Variants in SLC23A3 observed in about 807,000 individuals in gnomAD.
The protein encoded by SLC23A3 is E2-binding protein 3.
A neutral mutation model predicts 64.7 loss-of-function variants in SLC23A3; 41 were observed. The observed-to-expected ratio is 0.63, with a 90% CI of 0.49 to 0.82. SLC23A3 has a LOEUF of 0.82. Among genes scored for constraint, SLC23A3 ranks in the 40% least tolerant of loss-of-function variants. The pLI, the probability that SLC23A3 is intolerant of heterozygous loss-of-function variation, is 0.00. For missense variants in SLC23A3, 647 were observed against 733.4 expected (o/e 0.88, Z 1.36); for synonymous variants, 281 against 306.8 (o/e 0.92, Z 0.88).
chr2:219,170,028 T>C lies in SLC23A3; in HGVS notation c.-44A>G. ...TTGTCTTGGCTGCCCGGGACCAGAGTTAAGTAGAGAGAGTAAGAGGTCAGA... is the reference window on the plus strand; with the variant it reads ...TTGTCTTGGCTGCCCGGGACCAGAGCTAAGTAGAGAGAGTAAGAGGTCAGA... On this transcript the variant is annotated 5_prime_UTR_variant, in exon 1 of 12. Transcript: ENST00000409878. The C allele has an allele frequency of 6.2e-7, 1 of 1,602,076 alleles. No individual in the cohort carries two copies. The highest frequency in any genetic ancestry group is 8.5e-7 in the Non-Finnish European group (1 of 1,175,390).
intron 8 of SLC23A3, 157 bp from the exon 9 acceptor site, chr2:219,164,495 T>C: frequency 1.7e-6 from 1 of 583,474 alleles, no homozygotes. Context: ...CTCCTTTCCA[T>C]CCCACTACCC....
chr2:219,165,173 A>AT lies in SLC23A3; in HGVS notation c.1162dup (p.Ile388AsnfsTer60). On this transcript the variant is annotated frameshift_variant, in exon 8 of 12. Coordinates refer to ENST00000409878, the MANE Select transcript of SLC23A3 (RefSeq NM_001144889.2). LOFTEE classifies it high-confidence loss of function. ...TCCCATCCCAGGTCCACGTACCTGG[A>AT]TAAGACCCACTTTGCCCACGTTGGG... 1.2e-5 allele frequency: 18 copies of AT among 1,551,852 alleles called. No homozygotes were observed. The highest frequency in any genetic ancestry group is 1.6e-5 in the Non-Finnish European group (18 of 1,147,078).
rs976427350 is a variant in SLC23A3, at chr2:219,162,500, C to A, written c.1442-106G>T. On this transcript the variant is annotated intron_variant, in intron 10 of 11. Transcript: ENST00000409878. Reference sequence around the variant, plus strand: ...CCTAAGCCTTGGACTAAGGACAGATCTTTCTGAATTGTCATTTCATCCCTC... The same window carrying A: ...CCTAAGCCTTGGACTAAGGACAGATATTTCTGAATTGTCATTTCATCCCTC... 22 of 772,822 alleles carry A rather than the reference C, an allele frequency of 2.8e-5. No individual in the cohort carries two copies. The African/African-American group carries it at 3.8e-4, about 13-fold the overall frequency. 47.9% of individuals were successfully genotyped at this position (772,822 alleles called of 1,614,324 possible). A position where few individuals can be genotyped will look rare whatever the true frequency, so the allele number is the denominator to read the frequency against.
At chr2:219,163,685 T>C (rs933462683) in intron 9 of SLC23A3, 130 bp from the exon 10 acceptor site, 1 of 928,770 alleles carries the variant, frequency 1.1e-6, no homozygotes, top group Non-Finnish European at 1.6e-6. Context: ...TTGTTTTTTT[T>C]GTTTTTTTGT....
intron 7 of SLC23A3, among the ~76,000 whole-genome samples, chr2:219,166,000 G>A: frequency 6.6e-6 from 1 of 152,130 alleles, no homozygotes. Context: ...AGGCATGGTG[G>A]TGCATGCCTG....
rs1950045743 is a variant in SLC23A3 at position 219,169,938 on chromosome 2, G to C, written c.47C>G (p.Ser16Cys). The change falls in exon 1 of 12, where the codon TCC (serine) becomes TGC (cysteine). Residue 16 changes from serine (S) to cysteine (C), a missense_variant. Physicochemically the swap from Ser to Cys is moderately radical, Grantham distance 112. Coordinates refer to ENST00000409878, the MANE Select transcript of SLC23A3 (RefSeq NM_001144889.2). This position sits in a 1 kb window ranked among gnomAD's most constrained non-coding sequence, Gnocchi z 4.5. Reference sequence around the variant, plus strand: ...AGGCAAGGGGGCCAGGGCATCCTGGGAGCCCACTGATCGGAGTTGGCTGGG... The same window carrying C: ...AGGCAAGGGGGCCAGGGCATCCTGGCAGCCCACTGATCGGAGTTGGCTGGG... Reference protein sequence around the residue: ...LNPSQLRSVGSQDALAPLPPP... With the variant: ...LNPSQLRSVGCQDALAPLPPP... 6.2e-7 allele frequency: 1 copy of C among 1,613,916 alleles called. No homozygotes were observed. The highest frequency in any genetic ancestry group is 8.5e-7 in the Non-Finnish European group (1 of 1,179,960).
chr2:219,161,755 G>A lies in SLC23A3; in HGVS notation c.*154C>T. 3 of 740,820 alleles carry A rather than the reference G, an allele frequency of 4.0e-6. No individual in the cohort carries two copies. Among genetic ancestry groups the A allele is most frequent in the Non-Finnish European group, 4.1e-6 (2 of 485,248 alleles). The allele number at this position is 740,820 out of a possible 1,614,324, so 45.9% of individuals were successfully genotyped here. A position where few individuals can be genotyped will look rare whatever the true frequency, so the allele number is the denominator to read the frequency against. On this transcript the variant is annotated 3_prime_UTR_variant, in exon 12 of 12. Transcript: ENST00000409878. ...TTAGGCCTAATTAAGACAAGGAAAG[G>A]CAACCCACCCTATTGGGAAATGGAA...
Position 219,169,319 on chromosome 2 carries a change from T to A in SLC23A3, c.408A>T (p.Thr136=). 1 of 1,614,110 alleles carries A rather than the reference T, an allele frequency of 6.2e-7. No homozygotes were observed. The highest frequency in any genetic ancestry group is 8.5e-7 in the Non-Finnish European group (1 of 1,180,014). Residue 136 remains threonine, a synonymous_variant, in exon 3 of 12, where the codon ACA becomes ACT. Transcript: ENST00000409878. The surrounding 1 kb of genome is among the most constrained non-coding windows in gnomAD (Gnocchi z 4.5). The part of the protein sequence containing the change: ...TSQKLPRAIQ[T]PGNSSLMLHL... ...TTGCTCTGTGCTCACAGTTTCCAGGTGTCTGGATGGCCCGGGGTAGCTTCT... is the reference window on the plus strand; with the variant it reads ...TTGCTCTGTGCTCACAGTTTCCAGGAGTCTGGATGGCCCGGGGTAGCTTCT...
rs1268277337 is a variant in SLC23A3 at position 219,169,927 on chromosome 2, G to C, written c.58C>G (p.Leu20Val). ...GGAGCAGGTGGAGGCAAGGGGGCCA[G>C]GGCATCCTGGGAGCCCACTGATCGG... is the stretch of plus-strand genomic sequence containing the variant. Reference protein sequence around the residue: ...QLRSVGSQDALAPLPPPAPQN... With the variant: ...QLRSVGSQDAVAPLPPPAPQN... The change falls in exon 1 of 12, where the codon CTG becomes GTG. Residue 20 changes from leucine to valine, a missense_variant. Coordinates refer to ENST00000409878, the MANE Select transcript of SLC23A3 (RefSeq NM_001144889.2). The surrounding 1 kb of genome is among the most constrained non-coding windows in gnomAD (Gnocchi z 4.5). 6.2e-7 allele frequency: 1 copy of C among 1,614,004 alleles called. No individual in the cohort carries two copies. Among genetic ancestry groups the C allele is most frequent in the Admixed American group, 1.7e-5 (1 of 59,982 alleles).
At position 219,163,374 on chromosome 2, in the gene SLC23A3, TC is replaced by T; in HGVS notation, c.1441+13del. 1.9e-6 allele frequency: 3 copies of T among 1,611,560 alleles called. No individual in the cohort carries two copies. The highest frequency in any genetic ancestry group is 2.5e-6 in the Non-Finnish European group (3 of 1,178,042). Reference sequence around the variant, plus strand: ...TTTCCTGCTACTGAGCAACGCCTCTTCCCTTCCACCTACCTGTGCTGAACAG... The same window carrying T: ...TTTCCTGCTACTGAGCAACGCCTCTTCCTTCCACCTACCTGTGCTGAACAG... On this transcript the variant is annotated intron_variant, in intron 10 of 11. Coordinates refer to ENST00000409878, the MANE Select transcript of SLC23A3 (RefSeq NM_001144889.2).
chr2:219,167,865 G>A, intron 7 of SLC23A3, 65 bp downstream of exon 7: 2 of 1,220,340 alleles, frequency 1.6e-6, no homozygotes, highest in Non-Finnish European at 2.3e-6. Flanking sequence ...AATCCATTAA[G>A]TTCTTTGAGT....
rs1295313796 is a variant in SLC23A3, at chr2:219,162,300, A to G, written c.1536T>C (p.Pro512=). The change falls in exon 11 of 12, where the codon CCT becomes CCC. Residue 512 remains proline, a splice_region_variant and synonymous_variant. Coordinates refer to ENST00000409878, the MANE Select transcript of SLC23A3 (RefSeq NM_001144889.2). Reference sequence around the variant, plus strand: ...TGCTAGGGCCTAGCCTCAACTTACCAGGAATCGTGTTCTCTAGTAGGAAGC... The same window carrying G: ...TGCTAGGGCCTAGCCTCAACTTACCGGGAATCGTGTTCTCTAGTAGGAAGC... The part of the protein sequence containing the change: ...LSGFLLENTI[P]GTQLERGLGQ... The G allele has an allele frequency of 6.2e-7, 1 of 1,614,078 alleles. No individual in the cohort carries two copies. The highest frequency in any genetic ancestry group is 1.7e-5 in the Admixed American group (1 of 60,024).
At chr2:219,165,047 C>T in intron 8 of SLC23A3, 122 bp downstream of exon 8, 1 of 1,329,936 alleles carries the variant, frequency 7.5e-7, no homozygotes, top group Non-Finnish European at 1.0e-6. Context: ...TTAGGCACCT[C>T]CCCAAGTAAG....
chr2:219,161,780 A>G lies in SLC23A3; in HGVS notation c.*129T>C. ...GCAACCCACCCTATTGGGAAATGGA[A>G]CCTCTAGACAGTCCCATGTAATACA... On this transcript the variant is annotated 3_prime_UTR_variant, in exon 12 of 12. Transcript: ENST00000409878. 1.0e-6 allele frequency: 1 copy of G among 1,002,574 alleles called. No individual in the cohort carries two copies. The highest frequency in any genetic ancestry group is 2.6e-5 in the South Asian group (1 of 38,164). 62.1% of individuals were successfully genotyped at this position (1,002,574 alleles called of 1,614,324 possible).
rs1950029171 is a variant in SLC23A3 at position 219,168,656 on chromosome 2, A to G, written c.670T>C (p.Leu224=). Residue 224 remains leucine, a synonymous_variant, in exon 5 of 12, where the codon TTG becomes CTG. Transcript: ENST00000409878. ...CGCCTCTCAGGACTCACGTACAGCA[A>G]GGCCAACCCCCAGTGTGTGAAGCAG... ...QFCFTHWGLA[L]LVILLMVVCS... is the part of the protein sequence containing the mutation. 1 of 1,613,666 alleles carries G rather than the reference A, an allele frequency of 6.2e-7. No individual in the cohort carries two copies.
chr2:219,169,510 G>A lies in SLC23A3; in HGVS notation c.320+11C>T. On this transcript the variant is annotated intron_variant, in intron 2 of 11. Coordinates refer to ENST00000409878, the MANE Select transcript of SLC23A3 (RefSeq NM_001144889.2). This position sits in a 1 kb window ranked among gnomAD's most constrained non-coding sequence, Gnocchi z 4.5. ...GGACTCTGCCCCTCTCTCCAGGGAG[G>A]TTCCTCTCACCTGCTGCCCATCCAA... is the stretch of plus-strand genomic sequence containing the variant. The A allele has an allele frequency of 6.2e-7, 1 of 1,614,062 alleles. No individual in the cohort carries two copies. The highest frequency in any genetic ancestry group is 8.5e-7 in the Non-Finnish European group (1 of 1,179,986).
chr2:219,161,944 C>G lies in SLC23A3; in HGVS notation c.1798G>C (p.Glu600Gln), dbSNP rs753216257. Residue 600 changes from glutamate to glutamine, a missense_variant, in exon 12 of 12, where the codon GAA (glutamate) becomes CAA (glutamine). Glu to Gln is a conservative substitution (Grantham distance 29). Coordinates refer to ENST00000409878, the MANE Select transcript of SLC23A3 (RefSeq NM_001144889.2). ...GACCTAAACCCTTCTCTGCTAGATT[C>G]AGGGCATGGCTCCCCTGAGCCAGGC... is the stretch of plus-strand genomic sequence containing the variant. ...LLPGSGEPCPESSREGFRSQK is the reference protein window; with the variant it reads ...LLPGSGEPCPQSSREGFRSQK 46 of 1,597,502 alleles carry G rather than the reference C, an allele frequency of 2.9e-5. No homozygotes were observed. In the South Asian group the frequency reaches 4.9e-4, roughly 17 times the overall value.
rs2106374499 is a variant in SLC23A3 at position 219,162,048 on chromosome 2, T to C, written c.1694A>G (p.His565Arg). 6.2e-7 allele frequency: 1 copy of C among 1,614,068 alleles called. No homozygotes were observed. Among genetic ancestry groups the C allele is most frequent in the Non-Finnish European group, 8.5e-7 (1 of 1,180,006 alleles). ...GTCTTCAGGCAGTGGGCAGAGGCAG[T>C]GGAGAGGCTGGGGGATGCAGGGACA... ...NLCPCIPQPL[H>R]CLCPLPEDPG... Residue 565 changes from histidine (H) to arginine (R), a missense_variant, in exon 12 of 12, where the codon CAC (histidine) becomes CGC (arginine). His to Arg is a conservative substitution (Grantham distance 29). Coordinates refer to ENST00000409878, the MANE Select transcript of SLC23A3 (RefSeq NM_001144889.2).
At chr2:219,163,668 A>G (rs1949972615) in intron 9 of SLC23A3, 113 bp from the exon 10 acceptor site, 1 of 1,104,318 alleles carries the variant, frequency 9.1e-7, no homozygotes, top group African/African-American at 1.6e-5. Flanking sequence ...ACCCAAGAGA[A>G]TGATTTTTGT....
Sources: gnomAD v4.1 joint callset for allele counts (sites outside exome capture counted in the v4.1 genomes callset) on GRCh38, gnomAD v4.1.1 for gene constraint, Gnocchi (gnomAD v3.1) non-coding constraint, MANE v1.5 for transcripts, NCBI Gene and HGNC (gene_info 2026-07-23, HGNC 2026-07-21) for gene names.